The following ARHGAP39 variants were observed in gnomAD, a reference collection of about 807,000 sequenced individuals.
The protein encoded by ARHGAP39 is Rho GTPase activating protein 39.
ARHGAP39 carries 44 observed loss-of-function variants against 106.9 expected under a neutral mutation model. The observed-to-expected ratio is 0.41, with a 90% confidence interval of 0.32 to 0.53. The LOEUF is 0.53. ARHGAP39 is among the 20% of genes least tolerant of loss of function. The probability of loss-of-function intolerance (pLI) is 0.21; values close to 1 mark genes in which losing one functional copy is unlikely to be tolerated. For synonymous variants in ARHGAP39, 768 were observed against 693.2 expected, an observed-to-expected ratio of 1.11 and a Z score of -1.69; for missense variants, 1,496 against 1,577.3, an observed-to-expected ratio of 0.95 and a Z score of 0.87.
chr8:144,563,911 C>T (rs539918173), intron 3 of ARHGAP39, among the ~76,000 whole-genome samples: 3 of 152,280 alleles, frequency 2.0e-5, no homozygotes, highest in Admixed American at 2.0e-4. Context: ...ACAAATCAAA[C>T]AGTGCATATG....
intron 1 of ARHGAP39, among the ~76,000 whole-genome samples, chr8:144,634,151 C>T (rs1345733150): frequency 2.4e-4 from 36 of 151,756 alleles, no homozygotes; most frequent in African/African-American, 8.3e-4. Flanking sequence ...TCTAGAACTC[C>T]AGGCCTCTGC....
intron 2 of ARHGAP39, among the ~76,000 whole-genome samples, chr8:144,600,649 T>C (rs1425840182): frequency 2.1e-5 from 3 of 141,544 alleles, no homozygotes; most frequent in East Asian, 4.6e-4. Context: ...TGCGTGTGCA[T>C]GGAGGTGTGC....
intron 3 of ARHGAP39, among the ~76,000 whole-genome samples, chr8:144,576,917 T>C (rs1390456355): frequency 2.0e-5 from 3 of 152,230 alleles, no homozygotes; most frequent in South Asian, 2.1e-4. Flanking sequence ...AGAGGGACCA[T>C]AGGATTTAAC....
rs530523842 is a variant in ARHGAP39, at chr8:144,602,291, G to C, written c.80+3244C>G. Among the ~76,000 whole-genome samples the C allele has an allele frequency of 4.8e-4, 69 of 142,944 alleles. No individual in the cohort carries two copies. In the South Asian group the frequency reaches 0.015, roughly 32 times the overall value. The allele number at this position is 142,944 out of a possible 152,430, so 93.8% of individuals were successfully genotyped here. On this transcript the variant is annotated intron_variant, in intron 2 of 11. Coordinates refer to ENST00000377307, the MANE Select transcript of ARHGAP39 (RefSeq NM_025251.3). ...CCTGTGTGTGTGCGTGGAGGCGTGT[G>C]TGCTCGTGTACCTGTGTGTGTGCAT...
intron 1 of ARHGAP39, among the ~76,000 whole-genome samples, chr8:144,666,843 T>C (rs992092113): frequency 7.9e-5 from 12 of 152,104 alleles, no homozygotes; most frequent in African/African-American, 2.7e-4. Context: ...AAAGCCCCAA[T>C]ACAGTGTTCA....
At chr8:144,589,829 C>T (rs1371114696) in intron 2 of ARHGAP39, among the ~76,000 whole-genome samples, 1 of 152,234 alleles carries the variant, frequency 6.6e-6, no homozygotes, top group African/African-American at 2.4e-5. Context: ...GGTGGGGGCT[C>T]AGGCCAGGCC....
In ARHGAP39 at chr8:144,548,541, C is replaced by T. The variant is rs1171997329; in HGVS notation, c.597-52G>A. ...TGACTGCCTGCCTGCTGCTTCTGGG[C>T]ACGCCCCACCCCCTCGGGGGCTGTA... On this transcript the variant is annotated intron_variant, in intron 4 of 11. Coordinates refer to ENST00000377307, the MANE Select transcript of ARHGAP39 (RefSeq NM_025251.3). This position sits in a 1 kb window ranked among gnomAD's most constrained non-coding sequence, Gnocchi z 7.4. The T allele has an allele frequency of 2.5e-6, 4 of 1,573,460 alleles. No homozygotes were observed. Among genetic ancestry groups the T allele is most frequent in the Non-Finnish European group, 3.4e-6 (4 of 1,163,472 alleles).
At chr8:144,602,933 G>T (rs1820107655) in intron 2 of ARHGAP39, among the ~76,000 whole-genome samples, 1 of 136,794 alleles carries the variant, frequency 7.3e-6, no homozygotes, top group Admixed American at 7.2e-5. Flanking sequence ...GCGTGTGTGT[G>T]CTCGTGTACC....
chr8:144,658,270 C>T (rs569968592), intron 1 of ARHGAP39, among the ~76,000 whole-genome samples: 41 of 151,188 alleles, frequency 2.7e-4, no homozygotes, highest in Non-Finnish European at 4.4e-4. Flanking sequence ...CCACCACACC[C>T]GGCTAATTTT....
chr8:144,639,304 T>C (rs1487815512), intron 1 of ARHGAP39, among the ~76,000 whole-genome samples: 1 of 138,512 alleles, frequency 7.2e-6, no homozygotes, highest in African/African-American at 2.7e-5. Flanking sequence ...CCAGCCTGGG[T>C]GACAGAGCGA....
At chr8:144,629,308 C>A (rs958020313) in intron 1 of ARHGAP39, among the ~76,000 whole-genome samples, 6 of 152,228 alleles carry the variant, frequency 3.9e-5, no homozygotes, top group African/African-American at 1.4e-4. Context: ...AGAGCAGACC[C>A]GCAGGCTCTA....
At position 144,591,206 on chromosome 8, in the gene ARHGAP39, G is replaced by T. The variant is rs1274506077; in HGVS notation, c.81-9929C>A. Among the ~76,000 whole-genome samples the T allele has an allele frequency of 1.3e-5, 2 of 152,198 alleles. No individual in the cohort carries two copies. Among genetic ancestry groups the T allele is most frequent in the East Asian group, 3.9e-4 (2 of 5,188 alleles). On this transcript the variant is annotated intron_variant, in intron 2 of 11. Coordinates refer to ENST00000377307, the MANE Select transcript of ARHGAP39 (RefSeq NM_025251.3). The surrounding 1 kb of genome is among the most constrained non-coding windows in gnomAD (Gnocchi z 5.3). ...CCTGTCCATACACCTCCTCTCCCCA[G>T]CCGGAGCCTGGACCCCAATGGACAG...
At chr8:144,633,137 GT>G (rs201017011) in intron 1 of ARHGAP39, among the ~76,000 whole-genome samples, 6 of 149,776 alleles carry the variant, frequency 4.0e-5, no homozygotes, top group East Asian at 2.0e-4. Flanking sequence ...GCAAGACCCT[GT>G]TTTTTTTTGT....
chr8:144,667,520 G>C (rs957944740), intron 1 of ARHGAP39, among the ~76,000 whole-genome samples: 6 of 152,246 alleles, frequency 3.9e-5, no homozygotes, highest in African/African-American at 1.4e-4. Context: ...AAGAGAGCAG[G>C]GGCTTGGCCT....
chr8:144,692,182 G>C, the ARHGAP39 span, among the ~76,000 whole-genome samples: 1 of 151,896 alleles, frequency 6.6e-6, no homozygotes, highest in Non-Finnish European at 1.5e-5. Flanking sequence ...TTCTCTCTCT[G>C]TCTCTTTCCC....
chr8:144,540,400 C>T (rs1215330938), intron 6 of ARHGAP39, among the ~76,000 whole-genome samples: 6 of 152,168 alleles, frequency 3.9e-5, no homozygotes, highest in Admixed American at 3.9e-4. Context: ...TAAATAAATA[C>T]ATGCGACTGT....
intron 2 of ARHGAP39, among the ~76,000 whole-genome samples, chr8:144,590,353 G>A (rs1316529909): frequency 3.3e-5 from 5 of 152,210 alleles, no homozygotes; most frequent in Non-Finnish European, 7.3e-5. Context: ...TGTTGGAGGT[G>A]GGGCCTGGTG....
chr8:144,696,474 A>C, the ARHGAP39 span, among the ~76,000 whole-genome samples: 2 of 152,176 alleles, frequency 1.3e-5, no homozygotes, highest in Middle Eastern at 3.2e-3. Flanking sequence ...ATTTCATTTA[A>C]GGGATCTTTT....
At chr8:144,561,122 C>T (rs181940966) in intron 3 of ARHGAP39, among the ~76,000 whole-genome samples, 1 of 152,346 alleles carries the variant, frequency 6.6e-6, no homozygotes, top group East Asian at 1.9e-4. Flanking sequence ...CCTAGGACCC[C>T]AGTGGTTTCC....
Sources: allele counts gnomAD v4.1 joint callset (sites outside exome capture counted in the v4.1 genomes callset), GRCh38; gene constraint gnomAD v4.1.1; non-coding constraint Gnocchi (gnomAD v3.1); transcripts MANE v1.5; gene names NCBI Gene and HGNC (gene_info 2026-07-23, HGNC 2026-07-21).